GRID2: variants seen among roughly 807,000 people sequenced by gnomAD.
GRID2 encodes glutamate ionotropic receptor delta type subunit 2, also known as glutamate receptor ionotropic, delta-2.
Under a neutral mutation model 114.8 loss-of-function variants are expected in GRID2, and 33 were observed. That is an observed-to-expected ratio of 0.29 (90% CI 0.22 to 0.38). The LOEUF is 0.38. Ranked by LOEUF, GRID2 falls within the 10% of genes least tolerant of loss-of-function variation. The probability of loss-of-function intolerance (pLI) is 1.00; values close to 1 mark genes in which losing one functional copy is unlikely to be tolerated. For missense variants in GRID2, 1,184 were observed against 1,257.7 expected (o/e 0.94, Z 0.89); for synonymous variants, 505 against 449.9 (o/e 1.12, Z -1.55).
At chr4:93,265,830 A>G (rs1750763070) in intron 8 of GRID2, among the ~76,000 whole-genome samples, 2 of 152,204 alleles carry the variant, frequency 1.3e-5, no homozygotes, top group African/African-American at 4.8e-5. Context: ...ACAATGAAAA[A>G]TATGGCAGAC....
chr4:92,941,157 T>A (rs1048694979), intron 2 of GRID2, among the ~76,000 whole-genome samples: 1 of 152,224 alleles, frequency 6.6e-6, no homozygotes, highest in African/African-American at 2.4e-5. Flanking sequence ...CAGCTCCTCC[T>A]TGTACCTCTG....
chr4:92,983,620 A>G (rs1286647442), intron 2 of GRID2, among the ~76,000 whole-genome samples: 1 of 152,120 alleles, frequency 6.6e-6, no homozygotes, highest in Admixed American at 6.5e-5. Flanking sequence ...CTCATAAGCA[A>G]GAAGGAATAA....
chr4:93,763,988 G>T (rs1282075068), intron 14 of GRID2, among the ~76,000 whole-genome samples: 1 of 152,158 alleles, frequency 6.6e-6, no homozygotes. Context: ...CAAAATCAGA[G>T]TGACCTATGT....
At chr4:93,441,686 G>A (rs1721633064) in intron 10 of GRID2, among the ~76,000 whole-genome samples, 1 of 151,772 alleles carries the variant, frequency 6.6e-6, no homozygotes, top group South Asian at 2.1e-4. Flanking sequence ...ATGAATATTT[G>A]GAAGCAGAGC....
intron 11 of GRID2, among the ~76,000 whole-genome samples, chr4:93,485,127 A>G (rs912882639): frequency 4.6e-5 from 7 of 151,760 alleles, no homozygotes; most frequent in African/African-American, 1.7e-4. Flanking sequence ...GTGGCTGTGG[A>G]GTGGTATTTT....
intron 8 of GRID2, among the ~76,000 whole-genome samples, chr4:93,300,229 C>G (rs1229429352): frequency 3.9e-5 from 6 of 151,988 alleles, no homozygotes; most frequent in Admixed American, 3.9e-4. Context: ...GGCAGGTACT[C>G]CCATGCCTGG....
chr4:92,699,787 A>AG (rs758816823), intron 2 of GRID2, among the ~76,000 whole-genome samples: 1 of 152,138 alleles, frequency 6.6e-6, no homozygotes, highest in Non-Finnish European at 1.5e-5. Context: ...AAGTCCTGGA[A>AG]GACCCTCATT....
chr4:93,424,182 T>A (rs75521532), intron 10 of GRID2, among the ~76,000 whole-genome samples: 2,075 of 152,090 alleles, frequency 0.014, 45 homozygotes, highest in African/African-American at 0.046. Context: ...CATAGTTTTT[T>A]ATTTAAATAT....
intron 11 of GRID2, among the ~76,000 whole-genome samples, chr4:93,476,016 A>G (rs1725288999): frequency 6.6e-6 from 1 of 152,090 alleles, no homozygotes; most frequent in South Asian, 2.1e-4. Context: ...TTTCATTGCC[A>G]GGTCTGTGGT....
intron 2 of GRID2, among the ~76,000 whole-genome samples, chr4:92,681,726 T>C (rs1214121053): frequency 6.6e-6 from 1 of 151,776 alleles, no homozygotes; most frequent in Non-Finnish European, 1.5e-5. Flanking sequence ...CAAGAAAGAG[T>C]GATTTTACCA....
chr4:92,738,180 G>A (rs1251085043), intron 2 of GRID2, among the ~76,000 whole-genome samples: 2 of 152,088 alleles, frequency 1.3e-5, no homozygotes, highest in Non-Finnish European at 2.9e-5. Flanking sequence ...GGCCAGTGAT[G>A]GTGAGAATTT....
At chr4:92,654,508 G>A (rs1732128799) in intron 2 of GRID2, among the ~76,000 whole-genome samples, 1 of 151,982 alleles carries the variant, frequency 6.6e-6, no homozygotes, top group South Asian at 2.1e-4. Flanking sequence ...GTTATGTAGA[G>A]GAGCAGTTTG....
rs1169213698 is a variant in GRID2 at position 93,598,773 on chromosome 4, CTTTCTG to C, written c.2194-27484_2194-27479del. 2.6e-5 allele frequency among the ~76,000 whole-genome samples: 4 copies of C among 152,242 alleles called. No individual in the cohort carries two copies. In the East Asian group the frequency reaches 7.7e-4, roughly 29 times the overall value. ...CCTCTTTCTTTATCCTCTTTCATAG[CTTTCTG>C]TTTCTGTTTCTATGTTTTATTCAGA... On this transcript the variant is annotated intron_variant, in intron 13 of 15. Transcript: ENST00000282020.
chr4:93,234,531 G>A (rs1746531690), intron 7 of GRID2, among the ~76,000 whole-genome samples: 1 of 151,660 alleles, frequency 6.6e-6, no homozygotes, highest in Non-Finnish European at 1.5e-5. Context: ...ATGACTATTT[G>A]AGTGTATATG....
intron 14 of GRID2, among the ~76,000 whole-genome samples, chr4:93,649,680 C>G (rs1722414719): frequency 6.6e-6 from 1 of 152,106 alleles, no homozygotes; most frequent in Non-Finnish European, 1.5e-5. Context: ...CCATCTTTAT[C>G]CAGGTCACTG....
In GRID2 at chr4:93,333,491, C is replaced by A. The variant is rs533469060; in HGVS notation, c.1246-62116C>A. ...TACATTTTTTTAAAATCACATGTGG[C>A]AAATTCAAAACCTTTTTCTTGTCTT... is the stretch of plus-strand genomic sequence containing the variant. On this transcript the variant is annotated intron_variant, in intron 8 of 15. Transcript: ENST00000282020. Among the ~76,000 whole-genome samples, 7 of 152,248 alleles carry A rather than the reference C, an allele frequency of 4.6e-5. No homozygotes were observed. In the East Asian group the frequency reaches 1.4e-3, roughly 29 times the overall value.
intron 4 of GRID2, among the ~76,000 whole-genome samples, chr4:93,161,304 T>C (rs1426658802): frequency 6.6e-6 from 1 of 151,884 alleles, no homozygotes; most frequent in South Asian, 2.1e-4. Flanking sequence ...GCCTTTAACT[T>C]CTGAGGTTTG....
intron 4 of GRID2, among the ~76,000 whole-genome samples, chr4:93,113,194 A>C (rs945358328): frequency 3.3e-5 from 5 of 152,214 alleles, no homozygotes; most frequent in African/African-American, 1.2e-4. Flanking sequence ...AGTACTTACT[A>C]TCTTCTTACT....
intron 14 of GRID2, among the ~76,000 whole-genome samples, chr4:93,665,891 C>G (rs1300295768): frequency 6.6e-6 from 1 of 152,072 alleles, no homozygotes; most frequent in Admixed American, 6.6e-5. Context: ...CATATGAAAC[C>G]TTACTCAGTT....
Sources: gnomAD v4.1 joint callset for allele counts (sites outside exome capture counted in the v4.1 genomes callset) on GRCh38, gnomAD v4.1.1 for gene constraint, MANE v1.5 for transcripts, NCBI Gene and HGNC (gene_info 2026-07-23, HGNC 2026-07-21) for gene names.